ARPC5L: variants seen among roughly 807,000 people sequenced by gnomAD.
ARPC5L encodes actin related protein 2/3 complex subunit 5 like.
In ARPC5L, 4 loss-of-function variants were observed where a neutral mutation model predicts 16.9. The ratio of observed to expected loss-of-function variants is 0.24; its 90% CI spans 0.12 to 0.54. The LOEUF (loss-of-function observed/expected upper bound fraction) is 0.54, where lower values mean the gene tolerates loss of function less well. Among genes scored for constraint, ARPC5L ranks in the 20% least tolerant of loss-of-function variants. The pLI, the probability that ARPC5L is intolerant of heterozygous loss-of-function variation, is 0.95. For synonymous variants in ARPC5L, 78 were observed against 82.6 expected (o/e 0.94, Z 0.30); for missense variants, 151 against 201.9 (o/e 0.75, Z 1.53).
intron 2 of ARPC5L, among the ~76,000 whole-genome samples, chr9:124,867,796 T>G (rs998715341): frequency 7.4e-6 from 1 of 134,660 alleles, no homozygotes; most frequent in Non-Finnish European, 1.5e-5. Context: ...CCTGAGACTT[T>G]TCTTTTCTTT....
intron 4 of ARPC5L, among the ~76,000 whole-genome samples, chr9:124,874,764 C>T (rs1246403962): frequency 6.6e-6 from 1 of 151,952 alleles, no homozygotes; most frequent in African/African-American, 2.4e-5. Flanking sequence ...ACTTACTCCC[C>T]CAAAATAAGT....
intron 1 of ARPC5L, 61 bp from the exon 2 acceptor site, chr9:124,863,927 C>T (rs1829237392): frequency 6.6e-6 from 1 of 152,244 alleles, no homozygotes; most frequent in Non-Finnish European, 1.5e-5. Flanking sequence ...TCTGTGCAAT[C>T]CTTTCCTTAG....
At position 124,869,369 on chromosome 9, in the gene ARPC5L, CAGG is replaced by C; in HGVS notation, c.86_88del (p.Glu29del). 1.3e-6 allele frequency: 2 copies of C among 1,529,426 alleles called. No individual in the cohort carries two copies. 94.7% of individuals were successfully genotyped at this position (1,529,426 alleles called of 1,614,324 possible). A position where few individuals can be genotyped will look rare whatever the true frequency, so the allele number is the denominator to read the frequency against. Reference sequence around the variant, plus strand: ...TGACGAGAACAAATTTGTGGACGAGCAGGAGGAGGCGGCGGCGGCGGCGGCGGA... The same window carrying C: ...TGACGAGAACAAATTTGTGGACGAGCAGGAGGCGGCGGCGGCGGCGGCGGA... On this transcript the variant is annotated inframe_deletion, in exon 3 of 6. Coordinates refer to ENST00000353214, the MANE Select transcript of ARPC5L (RefSeq NM_030978.3).
At chr9:124,875,184 C>T (rs370019000) in intron 5 of ARPC5L, 33 bp downstream of exon 5, 6 of 1,600,392 alleles carry the variant, frequency 3.7e-6, no homozygotes, top group Non-Finnish European at 5.1e-6. Flanking sequence ...CCCAGTGAGC[C>T]ACCTGGCTTG....
At chr9:124,865,384 CTTAGAG>C (rs1392434827) in intron 2 of ARPC5L, among the ~76,000 whole-genome samples, 6 of 149,736 alleles carry the variant, frequency 4.0e-5, no homozygotes, top group Non-Finnish European at 5.9e-5. Flanking sequence ...TTTTTAAATG[CTTAGAG>C]TTAATGACTC....
intron 3 of ARPC5L, chr9:124,873,460 G>C: frequency 3.5e-6 from 2 of 575,562 alleles, no homozygotes; most frequent in Admixed American, 3.0e-5. Context: ...CAGTTGCTTT[G>C]ACGTGGAAGG....
chr9:124,876,650 C>A (rs926059091), intron 5 of ARPC5L, among the ~76,000 whole-genome samples: 5 of 152,096 alleles, frequency 3.3e-5, no homozygotes, highest in African/African-American at 1.2e-4. Context: ...GCTTTGTGTG[C>A]TGGTGACAGT....
At position 124,871,406 on chromosome 9, in the gene ARPC5L, C is replaced by T. The variant is rs1282307030; in HGVS notation, c.149+1967C>T. Among the ~76,000 whole-genome samples the T allele has an allele frequency of 3.3e-5, 5 of 152,168 alleles. No homozygotes were observed. In the East Asian group the frequency reaches 9.6e-4, roughly 29 times the overall value. ...TGGGAGCCTCATGGGCTAACATCAG[C>T]ATCACTGGGCACACAGCAAGTGTCC... On this transcript the variant is annotated intron_variant, in intron 3 of 5. Transcript: ENST00000353214.
At chr9:124,869,952 G>T (rs1829332405) in intron 3 of ARPC5L, among the ~76,000 whole-genome samples, 1 of 152,200 alleles carries the variant, frequency 6.6e-6, no homozygotes, top group Non-Finnish European at 1.5e-5. Context: ...CTGTGGGGAA[G>T]ACAGAACCCA....
Position 124,873,708 on chromosome 9 carries a change from G to A in ARPC5L, c.166G>A (p.Ala56Thr). 1 of 1,614,216 alleles carries A rather than the reference G, an allele frequency of 6.2e-7. No individual in the cohort carries two copies. The highest frequency in any genetic ancestry group is 8.5e-7 in the Non-Finnish European group (1 of 1,180,034). The change falls in exon 4 of 6, where the codon GCA (alanine) becomes ACA (threonine). Residue 56 changes from alanine to threonine, a missense_variant. Coordinates refer to ENST00000353214, the MANE Select transcript of ARPC5L (RefSeq NM_030978.3). ...GTGATGCACAGGGGACATGCTTCGG[G>A]CATTCCATGCAGCCTTGCGGAACTC... is the stretch of plus-strand genomic sequence containing the variant. ...GLLRQGDMLR[A>T]FHAALRNSPV...
intron 2 of ARPC5L, among the ~76,000 whole-genome samples, chr9:124,867,797 T>C (rs1049709283): frequency 7.4e-6 from 1 of 134,444 alleles, no homozygotes; most frequent in Non-Finnish European, 1.5e-5. Flanking sequence ...CTGAGACTTT[T>C]CTTTTCTTTT....
At chr9:124,875,831 C>T (rs1237753515) in intron 5 of ARPC5L, among the ~76,000 whole-genome samples, 1 of 152,212 alleles carries the variant, frequency 6.6e-6, no homozygotes, top group African/African-American at 2.4e-5. Context: ...ACCTGCCTGC[C>T]TTCCTCAGAG....
At chr9:124,866,802 C>T (rs78795394) in intron 2 of ARPC5L, among the ~76,000 whole-genome samples, 2,523 of 152,274 alleles carry the variant, frequency 0.017, 71 homozygotes, top group African/African-American at 0.058. Flanking sequence ...TGTCTGTCCC[C>T]TGGATGGTTG....
rs1478169601 is a variant in ARPC5L at position 124,875,002 on chromosome 9, G to A, written c.250G>A (p.Val84Met). 1 of 1,614,018 alleles carries A rather than the reference G, an allele frequency of 6.2e-7. No individual in the cohort carries two copies. Among genetic ancestry groups the A allele is most frequent in the Non-Finnish European group, 8.5e-7 (1 of 1,179,888 alleles). The change falls in exon 5 of 6, where the codon GTG becomes ATG. Residue 84 changes from valine (V) to methionine (M), a missense_variant. Transcript: ENST00000353214. ...GCGAGCCCAGGGCGTGGTGCTGAAA[G>A]TGCTCACAAACTTCAAGAGCAGTGA... Reference protein sequence around the residue: ...KERAQGVVLKVLTNFKSSEIE... With the variant: ...KERAQGVVLKMLTNFKSSEIE...
At chr9:124,863,268 C>T (rs1429734329) in intron 1 of ARPC5L, among the ~76,000 whole-genome samples, 1 of 152,174 alleles carries the variant, frequency 6.6e-6, no homozygotes, top group Admixed American at 6.5e-5. Flanking sequence ...GATTCTCCTG[C>T]CTTGGCCTCC....
At chr9:124,874,264 C>T (rs1279125289) in intron 4 of ARPC5L, among the ~76,000 whole-genome samples, 3 of 152,246 alleles carry the variant, frequency 2.0e-5, no homozygotes, top group Non-Finnish European at 4.4e-5. Flanking sequence ...GCTGCACCTT[C>T]ACAGAGTTCT....
In ARPC5L at chr9:124,869,404, C is replaced by G; in HGVS notation, c.114C>G (p.Gly38=). 2.7e-6 allele frequency: 4 copies of G among 1,504,624 alleles called. No individual in the cohort carries two copies. The highest frequency in any genetic ancestry group is 3.6e-6 in the Non-Finnish European group (4 of 1,126,730). 93.2% of individuals were successfully genotyped at this position (1,504,624 alleles called of 1,614,324 possible). The part of the protein sequence containing the change: ...EEAAAAAAEP[G]PDPSEVDGLL... ...CGGCGGCGGCGGCGGCGGAGCCAGG[C>G]CCGGACCCGAGCGAGGTGGACGGGC... The change falls in exon 3 of 6, where the codon GGC becomes GGG. Residue 38 remains glycine (G), a synonymous_variant. Coordinates refer to ENST00000353214, the MANE Select transcript of ARPC5L (RefSeq NM_030978.3).
At position 124,868,540 on chromosome 9, in the gene ARPC5L, G is replaced by A. The variant is rs1330171493; in HGVS notation, c.-751G>A. On this transcript the variant is annotated 5_prime_UTR_variant, in exon 3 of 6. Transcript: ENST00000353214. Reference sequence around the variant, plus strand: ...CTGGCGCCCCCAACTGCCTGGCCAAGGTGACTGCTACACACGTGGGGTCGC... The same window carrying A: ...CTGGCGCCCCCAACTGCCTGGCCAAAGTGACTGCTACACACGTGGGGTCGC... 6.6e-6 allele frequency: 1 copy of A among 152,298 alleles called. No individual in the cohort carries two copies. The highest frequency in any genetic ancestry group is 1.5e-5 in the Non-Finnish European group (1 of 68,070). The allele number at this position is 152,298 out of a possible 1,614,324, so 9.4% of individuals were successfully genotyped here.
chr9:124,873,022 G>A (rs1829382156), intron 3 of ARPC5L: 1 of 152,266 alleles, frequency 6.6e-6, no homozygotes, highest in Admixed American at 6.5e-5. Flanking sequence ...CACCTTTGGG[G>A]ACCTAACCCA....
Sources: allele counts gnomAD v4.1 joint callset (sites outside exome capture counted in the v4.1 genomes callset), GRCh38; gene constraint gnomAD v4.1.1; transcripts MANE v1.5; gene names NCBI Gene and HGNC (gene_info 2026-07-23, HGNC 2026-07-21).